The following TUBA1C variants were observed in gnomAD, a reference collection of about 807,000 sequenced individuals.
TUBA1C encodes tubulin alpha 1c.
Under a neutral mutation model 34.9 loss-of-function variants are expected in TUBA1C, and 16 were observed. That is an observed-to-expected ratio of 0.46 (90% CI 0.31 to 0.70). The LOEUF is 0.70. Among genes scored for constraint, TUBA1C ranks in the 30% least tolerant of loss-of-function variants. The pLI is 0.05. For synonymous variants in TUBA1C, 177 were observed against 215.9 expected, an observed-to-expected ratio of 0.82 and a Z score of 1.58; for missense variants, 329 against 587.3, an observed-to-expected ratio of 0.56 and a Z score of 4.55.
intron 1 of TUBA1C, among the ~76,000 whole-genome samples, chr12:49,252,385 A>G (rs1037424749): frequency 6.6e-6 from 1 of 152,192 alleles, no homozygotes. Context: ...TTTGTATGAC[A>G]GTCATAATCT....
intron 1 of TUBA1C, among the ~76,000 whole-genome samples, chr12:49,241,216 A>G (rs1000797588): frequency 1.3e-5 from 2 of 152,044 alleles, no homozygotes; most frequent in African/African-American, 2.4e-5. Context: ...CTTAGCTCTT[A>G]TAATACCATA....
chr12:49,243,979 G>A (rs1043503859), intron 1 of TUBA1C, among the ~76,000 whole-genome samples: 4 of 151,796 alleles, frequency 2.6e-5, no homozygotes, highest in Non-Finnish European at 5.9e-5. Context: ...GCGAGATCCC[G>A]TATCTACAAA....
intron 1 of TUBA1C, among the ~76,000 whole-genome samples, chr12:49,250,145 G>T (rs1364380180): frequency 6.6e-6 from 1 of 152,132 alleles, no homozygotes; most frequent in East Asian, 1.9e-4. Context: ...GTTGCAGTGA[G>T]CTGAGATCGT....
Position 49,273,195 on chromosome 12 carries a change from G to A in TUBA1C, c.1318G>A (p.Ala440Thr). 6.2e-7 allele frequency: 1 copy of A among 1,614,268 alleles called. No homozygotes were observed. Among genetic ancestry groups the A allele is most frequent in the Non-Finnish European group, 8.5e-7 (1 of 1,180,054 alleles). ...KDYEEVGADS[A>T]DGEDEGEEY ...TTATGAGGAGGTTGGAGCAGATAGTGCTGACGGAGAGGATGAGGGTGAAGA... is the reference window on the plus strand; with the variant it reads ...TTATGAGGAGGTTGGAGCAGATAGTACTGACGGAGAGGATGAGGGTGAAGA... Residue 440 changes from alanine to threonine, a missense_variant, in exon 4 of 4, where the codon GCT becomes ACT. Coordinates refer to ENST00000301072, the MANE Select transcript of TUBA1C (RefSeq NM_032704.5).
At chr12:49,240,563 C>A (rs1592274508) in intron 1 of TUBA1C, among the ~76,000 whole-genome samples, 1 of 152,102 alleles carries the variant, frequency 6.6e-6, no homozygotes, top group Non-Finnish European at 1.5e-5. Flanking sequence ...GGCAGCACCT[C>A]CAAGTTCCCC....
At chr12:49,231,724 A>C (rs1225480673) in intron 1 of TUBA1C, among the ~76,000 whole-genome samples, 2 of 152,098 alleles carry the variant, frequency 1.3e-5, no homozygotes, top group African/African-American at 4.8e-5. Flanking sequence ...AGACAGATAG[A>C]TAGATAGATA....
At chr12:49,237,618 G>A (rs1942569786) in intron 1 of TUBA1C, among the ~76,000 whole-genome samples, 1 of 151,668 alleles carries the variant, frequency 6.6e-6, no homozygotes, top group Admixed American at 6.6e-5. Flanking sequence ...GGTGGCATGT[G>A]CCTGCAGTCC....
chr12:49,266,434 CAAAAA>C (rs934400855), intron 1 of TUBA1C, among the ~76,000 whole-genome samples: 1 of 150,174 alleles, frequency 6.7e-6, no homozygotes, highest in African/African-American at 2.4e-5. Context: ...CGTCCAAAAA[CAAAAA>C]AAAACCCGCA....
intron 1 of TUBA1C, among the ~76,000 whole-genome samples, chr12:49,246,334 G>T (rs1194608110): frequency 6.6e-6 from 1 of 152,084 alleles, no homozygotes; most frequent in Non-Finnish European, 1.5e-5. Context: ...GAGAAAATGT[G>T]ATGGAAGAAC....
intron 1 of TUBA1C, among the ~76,000 whole-genome samples, chr12:49,236,359 G>C (rs113441594): frequency 6.6e-6 from 1 of 152,306 alleles, no homozygotes; most frequent in Non-Finnish European, 1.5e-5. Context: ...GATTGCAGTT[G>C]GCCCACCCAC....
In TUBA1C at chr12:49,269,889, G is replaced by C. The variant is rs749461237; in HGVS notation, c.288G>C (p.Lys96Asn). The C allele has an allele frequency of 1.2e-6, 2 of 1,614,138 alleles. No individual in the cohort carries two copies. Among genetic ancestry groups the C allele is most frequent in the Non-Finnish European group, 1.7e-6 (2 of 1,180,040 alleles). The change falls in exon 3 of 4, where the codon AAG becomes AAC. Residue 96 changes from lysine (K) to asparagine (N), a missense_variant. Physicochemically the swap from Lys to Asn is moderately conservative, Grantham distance 94. Coordinates refer to ENST00000301072, the MANE Select transcript of TUBA1C (RefSeq NM_032704.5). ...ACCCTGAGCAACTCATCACAGGCAAGGAAGATGCTGCCAATAACTATGCCC... is the reference window on the plus strand; with the variant it reads ...ACCCTGAGCAACTCATCACAGGCAACGAAGATGCTGCCAATAACTATGCCC... ...LFHPEQLITGKEDAANNYARG... is the reference protein window; with the variant it reads ...LFHPEQLITGNEDAANNYARG...
intron 1 of TUBA1C, chr12:49,233,579 A>G (rs1942519191): frequency 6.6e-6 from 1 of 152,150 alleles, no homozygotes; most frequent in African/African-American, 2.4e-5. Flanking sequence ...CTACCAGACA[A>G]AAGAGAAGGC....
intron 1 of TUBA1C, among the ~76,000 whole-genome samples, chr12:49,266,724 C>G (rs1006319027): frequency 1.3e-5 from 2 of 151,212 alleles, no homozygotes; most frequent in African/African-American, 4.9e-5. Flanking sequence ...TGGTGCGTGC[C>G]TGTAGTCCCA....
intron 1 of TUBA1C, among the ~76,000 whole-genome samples, chr12:49,229,677 GT>G (rs1942475714): frequency 1.4e-5 from 2 of 139,694 alleles, no homozygotes; most frequent in African/African-American, 6.4e-5. Context: ...GCATAGAGGT[GT>G]GTGTGTGTGT....
At chr12:49,248,825 G>A (rs181402776) in intron 1 of TUBA1C, among the ~76,000 whole-genome samples, 2,201 of 141,200 alleles carry the variant, frequency 0.016, 49 homozygotes, top group African/African-American at 0.055. Flanking sequence ...CCAAGATCGC[G>A]CCACTGCACT....
chr12:49,256,421 G>C, intron 1 of TUBA1C: 1 of 455,264 alleles, frequency 2.2e-6, no homozygotes, highest in South Asian at 1.6e-5. Flanking sequence ...TCTGTCCCTT[G>C]GGTTCCGTAC....
rs1025094141 is a variant in TUBA1C, at chr12:49,247,425, C to T, written c.213+19259C>T. 2.2e-4 allele frequency among the ~76,000 whole-genome samples: 33 copies of T among 151,542 alleles called. No homozygotes were observed. The East Asian group carries it at 6.2e-3, about 28-fold the overall frequency. On this transcript the variant is annotated intron_variant, in intron 1 of 3. Coordinates refer to the TUBA1C transcript ENST00000541364. ...TACAAAAATTAGCTGAACATGGTGG[C>T]ATGCACCTGTAATCCCAGCTACTCA...
intron 1 of TUBA1C, among the ~76,000 whole-genome samples, chr12:49,243,164 G>A (rs1942634856): frequency 6.6e-6 from 1 of 152,140 alleles, no homozygotes; most frequent in South Asian, 2.1e-4. Context: ...ATAAGGTGCA[G>A]GCTGGTTGCG....
chr12:49,229,213 G>A (rs933191599), intron 1 of TUBA1C, among the ~76,000 whole-genome samples: 8 of 152,088 alleles, frequency 5.3e-5, no homozygotes, highest in East Asian at 1.9e-4. Flanking sequence ...TCACCCTGTC[G>A]CCCAGGCTGG....
Sources: gnomAD v4.1 joint callset for allele counts (sites outside exome capture counted in the v4.1 genomes callset) on GRCh38, gnomAD v4.1.1 for gene constraint, MANE v1.5 for transcripts, NCBI Gene and HGNC (gene_info 2026-07-23, HGNC 2026-07-21) for gene names.